STPG2: variants seen among roughly 807,000 people sequenced by gnomAD.
STPG2 encodes the protein sperm tail PG-rich repeat containing 2.
STPG2 carries 56 observed loss-of-function variants against 54.2 expected under a neutral mutation model. That is an observed-to-expected ratio of 1.03 (90% CI 0.83 to 1.29). STPG2 has a LOEUF of 1.29. Ranked by LOEUF, STPG2 falls within the 50% of genes most tolerant of loss-of-function variation. STPG2 has a pLI of 0.00. For missense variants in STPG2, 596 were observed against 544.9 expected, an observed-to-expected ratio of 1.09 and a Z score of -0.93; for synonymous variants, 200 against 181.8, an observed-to-expected ratio of 1.10 and a Z score of -0.81.
intron 4 of STPG2, among the ~76,000 whole-genome samples, chr4:97,552,036 A>G (rs1731977808): frequency 6.6e-6 from 1 of 152,192 alleles, no homozygotes; most frequent in African/African-American, 2.4e-5. Context: ...TGGATTGTCT[A>G]CAAGTCCTAT....
At position 97,848,817 on chromosome 4, in the gene STPG2, C is replaced by T. The variant is rs563043664; in HGVS notation, c.1045-7885G>A. ...CAAAGATCAGATAGTTGTAGGTATG[C>T]GGCGTTATTTCTGAGGGCTCTGTTC... On this transcript the variant is annotated intron_variant, in intron 8 of 10. Transcript: ENST00000295268. 1.2e-4 allele frequency among the ~76,000 whole-genome samples: 18 copies of T among 149,932 alleles called. No homozygotes were observed. The South Asian group carries it at 1.9e-3, about 16-fold the overall frequency.
intron 8 of STPG2, among the ~76,000 whole-genome samples, chr4:97,868,402 A>G (rs1729868698): frequency 6.6e-6 from 1 of 151,872 alleles, no homozygotes; most frequent in Admixed American, 6.6e-5. Context: ...TATTTTTATC[A>G]CAGGAACTTC....
intron 10 of STPG2, among the ~76,000 whole-genome samples, chr4:97,582,933 T>C (rs950623176): frequency 4.6e-5 from 7 of 152,058 alleles, no homozygotes; most frequent in Admixed American, 2.0e-4. Context: ...GACAATTTCC[T>C]GATCTTTTTG....
chr4:97,540,415 A>G (rs1042463397), intron 4 of STPG2, among the ~76,000 whole-genome samples: 7 of 152,208 alleles, frequency 4.6e-5, no homozygotes, highest in African/African-American at 1.7e-4. Flanking sequence ...CCCTCCCAAG[A>G]CTAAACCAGG....
intron 5 of STPG2, among the ~76,000 whole-genome samples, chr4:98,086,099 T>C (rs1248676663): frequency 1.3e-5 from 2 of 152,130 alleles, no homozygotes; most frequent in Non-Finnish European, 2.9e-5. Flanking sequence ...ATATGTACCA[T>C]TAATTTAAAC....
rs535730340 is a variant in STPG2 at position 98,036,340 on chromosome 4, T to C, written c.613-55022A>G. Among the ~76,000 whole-genome samples the C allele has an allele frequency of 2.5e-4, 38 of 152,142 alleles. 1 individual carries two copies. In the East Asian group the frequency reaches 7.2e-3, roughly 29 times the overall value. On this transcript the variant is annotated intron_variant, in intron 5 of 10. Coordinates refer to ENST00000295268, the MANE Select transcript of STPG2 (RefSeq NM_174952.3). ...CAAAGGAATATAAATTATTCTATTA[T>C]AAAGATACATGCATGCATATGTTCA...
At position 97,661,738 on chromosome 4, in the gene STPG2, GA is replaced by G. The variant is rs547947933; in HGVS notation, c.1320+50960del. On this transcript the variant is annotated intron_variant, in intron 10 of 10. Coordinates refer to ENST00000295268, the MANE Select transcript of STPG2 (RefSeq NM_174952.3). ...GAGAAAAGGCCATGGATACAGAAAAGAAAAAAAAAAAGAACTTCTCCACTCT... is the reference window on the plus strand; with the variant it reads ...GAGAAAAGGCCATGGATACAGAAAAGAAAAAAAAAAGAACTTCTCCACTCT... 4.8e-3 allele frequency among the ~76,000 whole-genome samples: 675 copies of G among 141,454 alleles called. 3 individuals are homozygous for G. The highest frequency in any genetic ancestry group is 0.023 in the South Asian group (101 of 4,320). The allele number at this position is 141,454 out of a possible 152,430, so 92.8% of individuals were successfully genotyped here.
chr4:97,870,972 A>T (rs954656685), intron 8 of STPG2, among the ~76,000 whole-genome samples: 7 of 151,048 alleles, frequency 4.6e-5, no homozygotes, highest in African/African-American at 1.7e-4. Context: ...ACACTTCCTG[A>T]TCATAATGAA....
intron 5 of STPG2, among the ~76,000 whole-genome samples, chr4:98,020,038 GAA>G (rs1231758019): frequency 1.2e-4 from 14 of 119,898 alleles, no homozygotes; most frequent in African/African-American, 4.7e-4. Context: ...GCCCTGGCCA[GAA>G]CTTCCAACAG....
chr4:97,783,688 G>T (rs1003770963), intron 9 of STPG2, among the ~76,000 whole-genome samples: 3 of 149,392 alleles, frequency 2.0e-5, no homozygotes, highest in Non-Finnish European at 3.0e-5. Flanking sequence ...ATGTCCATCA[G>T]TGATAGACTG....
chr4:97,719,829 T>G (rs186998408), intron 9 of STPG2, among the ~76,000 whole-genome samples: 1 of 152,056 alleles, frequency 6.6e-6, no homozygotes, highest in Admixed American at 6.5e-5. Flanking sequence ...TAATTGTCCA[T>G]GAAAAGAAAT....
intron 4 of STPG2, among the ~76,000 whole-genome samples, chr4:98,106,959 T>A (rs1739205795): frequency 6.6e-6 from 1 of 152,050 alleles, no homozygotes; most frequent in Non-Finnish European, 1.5e-5. Context: ...GATTAAAAAA[T>A]ATATAATACA....
At chr4:97,539,881 G>T (rs544518421) in intron 4 of STPG2, among the ~76,000 whole-genome samples, 14 of 152,186 alleles carry the variant, frequency 9.2e-5, no homozygotes, top group Admixed American at 9.2e-4. Flanking sequence ...ATGACTACTG[G>T]GTACATAACG....
chr4:98,025,602 TA>T, intron 5 of STPG2: 1 of 749,822 alleles, frequency 1.3e-6, no homozygotes, highest in Non-Finnish European at 2.4e-6. Context: ...GACAGGGATA[TA>T]ATAGTCTGTG....
intron 8 of STPG2, among the ~76,000 whole-genome samples, chr4:97,913,237 CT>C (rs1468123673): frequency 1.3e-5 from 2 of 152,126 alleles, no homozygotes; most frequent in Non-Finnish European, 2.9e-5. Flanking sequence ...TTATCAATCA[CT>C]TTATTAACTT....
At chr4:97,633,103 A>G (rs1721348441) in intron 10 of STPG2, among the ~76,000 whole-genome samples, 1 of 152,180 alleles carries the variant, frequency 6.6e-6, no homozygotes, top group South Asian at 2.1e-4. Context: ...ATGTGTATAT[A>G]TGTATACACA....
chr4:97,875,285 A>G (rs531197858), intron 8 of STPG2, among the ~76,000 whole-genome samples: 2 of 152,048 alleles, frequency 1.3e-5, no homozygotes, highest in African/African-American at 4.8e-5. Flanking sequence ...CTGTTTTTCC[A>G]TAGCGGCTAT....
At chr4:97,985,883 A>G (rs1018062215) in intron 5 of STPG2, among the ~76,000 whole-genome samples, 5 of 152,222 alleles carry the variant, frequency 3.3e-5, no homozygotes, top group African/African-American at 9.6e-5. Flanking sequence ...TTTTTAAAAA[A>G]TCAAGGGTAC....
intron 10 of STPG2, among the ~76,000 whole-genome samples, chr4:97,659,682 A>G (rs995101665): frequency 1.3e-5 from 2 of 152,220 alleles, no homozygotes; most frequent in African/African-American, 4.8e-5. Context: ...GTACCAGTTC[A>G]GTGATATAAT....
Sources: gnomAD v4.1 joint callset for allele counts (sites outside exome capture counted in the v4.1 genomes callset) on GRCh38, gnomAD v4.1.1 for gene constraint, MANE v1.5 for transcripts, NCBI Gene and HGNC (gene_info 2026-07-23, HGNC 2026-07-21) for gene names.